CNTN5: variants seen among roughly 807,000 people sequenced by gnomAD.
CNTN5 encodes contactin 5.
A neutral mutation model predicts 129.1 loss-of-function variants in CNTN5; 77 were observed. The observed-to-expected ratio is 0.60, with a 90% confidence interval of 0.50 to 0.72. The LOEUF (loss-of-function observed/expected upper bound fraction) is 0.72, where lower values mean the gene tolerates loss of function less well. Among genes scored for constraint, CNTN5 ranks in the 30% least tolerant of loss-of-function variants. The pLI is 0.00. For synonymous variants in CNTN5, 509 were observed against 465.6 expected (o/e 1.09, Z -1.20); for missense variants, 1,478 against 1,328.8 (o/e 1.11, Z -1.75).
At chr11:99,959,037 C>T (rs1029536179) in intron 8 of CNTN5, among the ~76,000 whole-genome samples, 2 of 152,118 alleles carry the variant, frequency 1.3e-5, no homozygotes, top group African/African-American at 4.8e-5. Context: ...TTCTACCTTC[C>T]ATGGGCACAC....
chr11:100,249,916 C>T (rs1224177969), intron 16 of CNTN5, among the ~76,000 whole-genome samples: 1 of 152,048 alleles, frequency 6.6e-6, no homozygotes. Flanking sequence ...AATAAAGTAT[C>T]GATAAGCCAA....
chr11:100,006,075 T>C (rs974267146), intron 9 of CNTN5, among the ~76,000 whole-genome samples: 1 of 152,184 alleles, frequency 6.6e-6, no homozygotes, highest in Non-Finnish European at 1.5e-5. Context: ...ACACAGAAGT[T>C]ATGTTTACAT....
At chr11:99,511,894 G>A (rs992694359) in intron 2 of CNTN5, among the ~76,000 whole-genome samples, 7 of 151,338 alleles carry the variant, frequency 4.6e-5, no homozygotes, top group African/African-American at 1.7e-4. Flanking sequence ...AAATATTTTT[G>A]TATAGCTCTA....
At chr11:100,049,948 T>A (rs1193023096) in intron 9 of CNTN5, among the ~76,000 whole-genome samples, 3 of 152,126 alleles carry the variant, frequency 2.0e-5, no homozygotes, top group Non-Finnish European at 4.4e-5. Context: ...CCAGTTAGAA[T>A]GGCAATCATT....
intron 23 of CNTN5, among the ~76,000 whole-genome samples, chr11:100,342,202 G>A (rs1051062419): frequency 2.9e-5 from 4 of 139,842 alleles, no homozygotes; most frequent in African/African-American, 5.7e-5. Flanking sequence ...AGTAATGGTC[G>A]GGAATATTGA....
At chr11:99,886,937 A>G (rs1287533221) in intron 6 of CNTN5, among the ~76,000 whole-genome samples, 1 of 152,180 alleles carries the variant, frequency 6.6e-6, no homozygotes, top group Non-Finnish European at 1.5e-5. Flanking sequence ...TCAAAATATT[A>G]GGAGAGGGGC....
At chr11:99,688,185 A>C (rs1431550204) in intron 3 of CNTN5, among the ~76,000 whole-genome samples, 1 of 152,216 alleles carries the variant, frequency 6.6e-6, no homozygotes, top group Non-Finnish European at 1.5e-5. Flanking sequence ...AAATCAGCAA[A>C]ACAAAAAATC....
At chr11:99,139,113 C>CAAAA (rs757931503) in intron 1 of CNTN5, among the ~76,000 whole-genome samples, 1 of 140,616 alleles carries the variant, frequency 7.1e-6, no homozygotes, top group African/African-American at 2.6e-5. Flanking sequence ...CCCCCCCCCC[C>CAAAA]AAAAATTAGC....
At chr11:99,570,749 C>T (rs1255378487) in intron 3 of CNTN5, among the ~76,000 whole-genome samples, 2 of 151,926 alleles carry the variant, frequency 1.3e-5, no homozygotes, top group Non-Finnish European at 2.9e-5. Context: ...AGGAATAATT[C>T]CCATAAAGAA....
At chr11:99,819,419 A>G in intron 3 of CNTN5, 125 bp from the exon 4 acceptor site, 2 of 733,428 alleles carry the variant, frequency 2.7e-6, no homozygotes, top group Admixed American at 5.5e-5. Flanking sequence ...CTCTCACTGT[A>G]ATCTGAATTT....
At chr11:100,199,344 C>G (rs1222099736) in intron 15 of CNTN5, among the ~76,000 whole-genome samples, 1 of 151,924 alleles carries the variant, frequency 6.6e-6, no homozygotes, top group African/African-American at 2.4e-5. Context: ...CCTTTCTCAT[C>G]AGTTCAGATC....
chr11:100,141,559 T>A (rs1946698031), intron 13 of CNTN5, among the ~76,000 whole-genome samples: 1 of 152,176 alleles, frequency 6.6e-6, no homozygotes, highest in African/African-American at 2.4e-5. Context: ...CATTTTGTTA[T>A]AATTTTGTAG....
rs564523926 is a variant in CNTN5 at position 100,147,049 on chromosome 11, T to C, written c.1581-44077T>C. Among the ~76,000 whole-genome samples the C allele has an allele frequency of 8.5e-5, 13 of 152,272 alleles. No individual in the cohort carries two copies. The South Asian group carries it at 2.7e-3, about 32-fold the overall frequency. On this transcript the variant is annotated intron_variant, in intron 13 of 24. Transcript: ENST00000524871. ...CATGTAAACGTGATCATGTCTTTTATAGTCTCCTCATGCCTCTTTCTCTAC... is the reference window on the plus strand; with the variant it reads ...CATGTAAACGTGATCATGTCTTTTACAGTCTCCTCATGCCTCTTTCTCTAC...
intron 1 of CNTN5, among the ~76,000 whole-genome samples, chr11:99,171,492 G>GT (rs1861147633): frequency 6.6e-6 from 1 of 152,124 alleles, no homozygotes; most frequent in South Asian, 2.1e-4. Context: ...ACGTACTCCA[G>GT]TTTTTTTGCT....
At chr11:100,028,230 G>A (rs529025973) in intron 9 of CNTN5, among the ~76,000 whole-genome samples, 1 of 152,038 alleles carries the variant, frequency 6.6e-6, no homozygotes, top group Admixed American at 6.6e-5. Flanking sequence ...AATTCACAAG[G>A]ACTATAACTC....
At chr11:99,237,328 G>T (rs1861322710) in intron 1 of CNTN5, among the ~76,000 whole-genome samples, 1 of 152,202 alleles carries the variant, frequency 6.6e-6, no homozygotes, top group East Asian at 1.9e-4. Context: ...GCAGAAAATA[G>T]AAGCTCTATC....
chr11:99,402,332 T>C (rs549638059), intron 2 of CNTN5, among the ~76,000 whole-genome samples: 2 of 152,312 alleles, frequency 1.3e-5, no homozygotes, highest in South Asian at 2.1e-4. Flanking sequence ...AATGATCATA[T>C]GGTTTTTGTC....
chr11:100,041,098 C>A (rs1400450469), intron 9 of CNTN5, among the ~76,000 whole-genome samples: 1 of 152,148 alleles, frequency 6.6e-6, no homozygotes, highest in Non-Finnish European at 1.5e-5. Context: ...TGGAGCTGTT[C>A]CTATTCGGCC....
intron 3 of CNTN5, among the ~76,000 whole-genome samples, chr11:99,650,974 T>G (rs962633479): frequency 1.3e-5 from 2 of 151,966 alleles, no homozygotes; most frequent in African/African-American, 4.8e-5. Flanking sequence ...AGTTTCTACC[T>G]TCAGAAAAGA....
Sources: gnomAD v4.1 joint callset for allele counts (sites outside exome capture counted in the v4.1 genomes callset) on GRCh38, gnomAD v4.1.1 for gene constraint, MANE v1.5 for transcripts, NCBI Gene and HGNC (gene_info 2026-07-23, HGNC 2026-07-21) for gene names.